The following AMZ1 variants were observed in gnomAD, a reference collection of about 807,000 sequenced individuals.
AMZ1 encodes the protein archaemetzincin-1.
Under a neutral mutation model 29.9 loss-of-function variants are expected in AMZ1, and 39 were observed. That is an observed-to-expected ratio of 1.30 (90% CI 1.01 to 1.70). The LOEUF is 1.70. Ranked by LOEUF, AMZ1 falls within the 40% of genes most tolerant of loss-of-function variation. The pLI is 0.00. For synonymous variants in AMZ1, 458 were observed against 304.0 expected (o/e 1.51, Z -5.27); for missense variants, 1,041 against 680.6 (o/e 1.53, Z -5.89).
intron 4 of AMZ1, among the ~76,000 whole-genome samples, chr7:2,739,831 C>A (rs553276857): frequency 6.6e-6 from 1 of 152,194 alleles, no homozygotes; most frequent in Admixed American, 6.5e-5. Flanking sequence ...GCCACCAAAC[C>A]TGGCTAATTT....
chr7:2,747,118 T>G (rs1391971580), intron 4 of AMZ1, among the ~76,000 whole-genome samples: 1 of 152,222 alleles, frequency 6.6e-6, no homozygotes, highest in African/African-American at 2.4e-5. Flanking sequence ...CCATTCCTTC[T>G]GAAACTATTC....
chr7:2,723,712 C>T (rs1451618088), downstream of AMZ1, among the ~76,000 whole-genome samples: 3 of 152,206 alleles, frequency 2.0e-5, no homozygotes, highest in South Asian at 2.1e-4. Context: ...CAGACAGCAA[C>T]GATGGAGGCC....
rs1022228101 is a variant in AMZ1 at position 2,708,772 on chromosome 7, C to G, written c.601+56C>G. 3.0e-5 allele frequency: 49 copies of G among 1,607,560 alleles called. 1 individual carries two copies. The Admixed American group carries it at 4.0e-4, about 13-fold the overall frequency. ...GGGGTAGCCTGGCATGGGGCTGTGG[C>G]CTCCGTGGCTGCAGGGCACCCTCTT... On this transcript the variant is annotated intron_variant, in intron 4 of 6. Transcript: ENST00000683327.
rs1583189779 is a variant in AMZ1 at position 2,719,539 on chromosome 7, C to G, written c.*6661C>G. Among the ~76,000 whole-genome samples the G allele has an allele frequency of 6.6e-6, 1 of 152,210 alleles. No individual in the cohort carries two copies. The highest frequency in any genetic ancestry group is 2.4e-5 in the African/African-American group (1 of 41,450). Reference sequence around the variant, plus strand: ...GCACAGTTATTTTTAAAAATCCAGTCCAAGTGGAAATACACCTGGAACATT... The same window carrying G: ...GCACAGTTATTTTTAAAAATCCAGTGCAAGTGGAAATACACCTGGAACATT... On this transcript the variant is annotated 3_prime_UTR_variant, in exon 7 of 7. Transcript: ENST00000683327.
At chr7:2,687,393 G>A (rs1787123233), upstream of AMZ1, among the ~76,000 whole-genome samples, 1 of 152,222 alleles carries the variant, frequency 6.6e-6, no homozygotes, top group Admixed American at 6.5e-5. Context: ...CATCTGTGGG[G>A]CGCTGCTGAG....
At chr7:2,725,211 G>A (rs1454883875) in intron 4 of AMZ1, among the ~76,000 whole-genome samples, 3 of 152,250 alleles carry the variant, frequency 2.0e-5, no homozygotes, top group Non-Finnish European at 4.4e-5. Context: ...CCCAAAGCAT[G>A]GCTGTTCTGG....
chr7:2,750,557 G>C (rs943521328), intron 4 of AMZ1, among the ~76,000 whole-genome samples: 1 of 152,168 alleles, frequency 6.6e-6, no homozygotes, highest in African/African-American at 2.4e-5. Flanking sequence ...CAATAAAACA[G>C]AACAATTGTA....
At chr7:2,699,666 G>T (rs1787939200) in intron 1 of AMZ1, among the ~76,000 whole-genome samples, 1 of 152,184 alleles carries the variant, frequency 6.6e-6, no homozygotes, top group African/African-American at 2.4e-5. Context: ...GGGTGAGGAG[G>T]AATCCCAGAT....
At chr7:2,758,536 T>C (rs1791408043) in intron 4 of AMZ1, among the ~76,000 whole-genome samples, 1 of 152,114 alleles carries the variant, frequency 6.6e-6, no homozygotes, top group Non-Finnish European at 1.5e-5. Context: ...ACGTATCTCC[T>C]GTGATTGGGC....
At chr7:2,746,902 T>C (rs931462190) in intron 4 of AMZ1, among the ~76,000 whole-genome samples, 2 of 152,110 alleles carry the variant, frequency 1.3e-5, no homozygotes, top group African/African-American at 4.8e-5. Context: ...TCTACGCAAA[T>C]AAACTAGAAA....
chr7:2,737,698 A>G (rs1790278605), intron 4 of AMZ1, among the ~76,000 whole-genome samples: 1 of 152,210 alleles, frequency 6.6e-6, no homozygotes, highest in Non-Finnish European at 1.5e-5. Context: ...GAGGATTCCA[A>G]AATCTAGTTC....
chr7:2,688,825 G>T (rs1224970440), intron 1 of AMZ1, among the ~76,000 whole-genome samples: 1 of 152,212 alleles, frequency 6.6e-6, no homozygotes, highest in African/African-American at 2.4e-5. Context: ...GAAGGCTGTG[G>T]ATATGATCCC....
intron 4 of AMZ1, among the ~76,000 whole-genome samples, chr7:2,750,712 G>T (rs566215402): frequency 2.6e-5 from 4 of 152,296 alleles, no homozygotes; most frequent in African/African-American, 9.6e-5. Flanking sequence ...TATTGGACAG[G>T]CATGTTAACA....
At chr7:2,743,756 G>T (rs1305758594) in intron 4 of AMZ1, among the ~76,000 whole-genome samples, 2 of 152,290 alleles carry the variant, frequency 1.3e-5, no homozygotes, top group South Asian at 2.1e-4. Flanking sequence ...AAGGGGTCAG[G>T]GAATTCCCTT....
intron 4 of AMZ1, among the ~76,000 whole-genome samples, chr7:2,726,909 A>T (rs1330166921): frequency 6.6e-6 from 1 of 152,124 alleles, no homozygotes; most frequent in African/African-American, 2.4e-5. Flanking sequence ...TCCACCTGCC[A>T]TCCCCATGGG....
At position 2,717,978 on chromosome 7, in the gene AMZ1, ACGGCGGCCCCTGCCTCCCC is replaced by A. The variant is rs1789227272; in HGVS notation, c.*5108_*5126del. On this transcript the variant is annotated 3_prime_UTR_variant, in exon 7 of 7. Transcript: ENST00000683327. ...AAATAGTCACCGGAGTCGAGCAAAC[ACGGCGGCCCCTGCCTCCCC>A]CGGCGGCTCCACAATGGCCCTCAGA... is the stretch of plus-strand genomic sequence containing the variant. Among the ~76,000 whole-genome samples, 1 of 152,160 alleles carries A rather than the reference ACGGCGGCCCCTGCCTCCCC, an allele frequency of 6.6e-6. No individual in the cohort carries two copies. The highest frequency in any genetic ancestry group is 2.4e-5 in the African/African-American group (1 of 41,452).
intron 4 of AMZ1, among the ~76,000 whole-genome samples, chr7:2,746,151 A>G (rs1562401943): frequency 2.0e-5 from 3 of 152,242 alleles, no homozygotes; most frequent in Non-Finnish European, 2.9e-5. Context: ...AATTGAATTC[A>G]GCTCTGCACC....
chr7:2,693,762 A>G (rs959235159), intron 1 of AMZ1, among the ~76,000 whole-genome samples: 2 of 152,110 alleles, frequency 1.3e-5, no homozygotes, highest in African/African-American at 4.8e-5. Flanking sequence ...TCACCGTGTT[A>G]GCCAGGATTG....
chr7:2,723,590 G>C (rs1789507235), downstream of AMZ1, among the ~76,000 whole-genome samples: 1 of 152,186 alleles, frequency 6.6e-6, no homozygotes, highest in Non-Finnish European at 1.5e-5. Context: ...CCACAGTCTC[G>C]AGGGGTTCAC....
Sources: gnomAD v4.1 joint callset for allele counts (sites outside exome capture counted in the v4.1 genomes callset) on GRCh38, gnomAD v4.1.1 for gene constraint, MANE v1.5 for transcripts, NCBI Gene and HGNC (gene_info 2026-07-23, HGNC 2026-07-21) for gene names.